Variants in HHLA1 observed in about 807,000 individuals in gnomAD.
The protein encoded by HHLA1 is HHLA1 neighbor of OC90.
A neutral mutation model predicts 69.9 loss-of-function variants in HHLA1; 72 were observed. That is an observed-to-expected ratio of 1.03 (90% CI 0.85 to 1.25). The LOEUF is 1.25. Ranked by LOEUF, HHLA1 falls within the 50% of genes most tolerant of loss-of-function variation. The probability of loss-of-function intolerance (pLI) is 0.00; values close to 1 mark genes in which losing one functional copy is unlikely to be tolerated. For missense variants in HHLA1, 685 were observed against 642.2 expected, an observed-to-expected ratio of 1.07 and a Z score of -0.72; for synonymous variants, 252 against 233.2, an observed-to-expected ratio of 1.08 and a Z score of -0.73.
At chr8:132,080,171 G>A in intron 10 of HHLA1, 1 of 716,260 alleles carries the variant, frequency 1.4e-6, no homozygotes, top group South Asian at 1.5e-5. Context: ...GCCTCTCCAG[G>A]ACTCTGGTAC....
chr8:132,065,534 G>A (rs1586721805), intron 16 of HHLA1, among the ~76,000 whole-genome samples: 1 of 152,166 alleles, frequency 6.6e-6, no homozygotes, highest in Non-Finnish European at 1.5e-5. Context: ...CGCCCGCCTT[G>A]GCCTCCCAAA....
intron 1 of HHLA1, among the ~76,000 whole-genome samples, chr8:132,106,554 T>C (rs187930253): frequency 6.6e-6 from 1 of 152,306 alleles, no homozygotes; most frequent in East Asian, 1.9e-4. Context: ...CACAGGGTCT[T>C]TGTGAGGATT....
rs941721140 is a variant in HHLA1 at position 132,101,453 on chromosome 8, T to A, written c.140-1319A>T. Reference sequence around the variant, plus strand: ...TATTGGGCTAGTGGCTAAGATAAAATCAGAAAAGAGCAATCTCAACTCTTT... The same window carrying A: ...TATTGGGCTAGTGGCTAAGATAAAAACAGAAAAGAGCAATCTCAACTCTTT... On this transcript the variant is annotated intron_variant, in intron 3 of 16. Coordinates refer to ENST00000414222, the MANE Select transcript of HHLA1 (RefSeq NM_001145095.3). 2.0e-5 allele frequency among the ~76,000 whole-genome samples: 3 copies of A among 152,302 alleles called. No homozygotes were observed. The East Asian group carries it at 5.8e-4, about 29-fold the overall frequency.
chr8:132,084,203 G>A (rs966972497), intron 10 of HHLA1, among the ~76,000 whole-genome samples: 7 of 152,120 alleles, frequency 4.6e-5, no homozygotes, highest in African/African-American at 1.4e-4. Context: ...AGCCGGACCA[G>A]GTGTGAGGAG....
intron 11 of HHLA1, among the ~76,000 whole-genome samples, chr8:132,078,372 T>C (rs562862835): frequency 5.3e-5 from 8 of 152,316 alleles, no homozygotes; most frequent in Admixed American, 2.0e-4. Context: ...GTCTCCTCCA[T>C]GGTGTGAACT....
intron 14 of HHLA1, 143 bp from the exon 15 acceptor site, chr8:132,071,636 C>A: frequency 1.4e-6 from 1 of 706,052 alleles, no homozygotes; most frequent in South Asian, 2.1e-5. Flanking sequence ...GCATTCCTCA[C>A]CATTACCCAA....
intron 4 of HHLA1, among the ~76,000 whole-genome samples, chr8:132,099,684 T>C (rs1824082997): frequency 1.3e-5 from 2 of 152,060 alleles, no homozygotes; most frequent in African/African-American, 4.8e-5. Context: ...TGAAACCCCA[T>C]AGCTACTAAA....
intron 8 of HHLA1, among the ~76,000 whole-genome samples, chr8:132,088,236 ACAATCCCT>A (rs1465618535): frequency 1.3e-5 from 2 of 152,206 alleles, no homozygotes; most frequent in East Asian, 3.9e-4. Flanking sequence ...TTCAAATCCC[ACAATCCCT>A]CATTTGTAAT....
chr8:132,102,732 G>T (rs1385781095), intron 3 of HHLA1, among the ~76,000 whole-genome samples: 1 of 151,000 alleles, frequency 6.6e-6, no homozygotes, highest in African/African-American at 2.5e-5. Flanking sequence ...AGGCTGGCAG[G>T]ATTCCTACAC....
At chr8:132,102,897 A>G (rs1824134251) in intron 3 of HHLA1, among the ~76,000 whole-genome samples, 1 of 151,978 alleles carries the variant, frequency 6.6e-6, no homozygotes, top group Non-Finnish European at 1.5e-5. Context: ...TGAAGTCTGA[A>G]CTAAACACCA....
Position 132,104,090 on chromosome 8 carries a change from C to G in HHLA1, c.139+18G>C. The G allele has an allele frequency of 6.5e-7, 1 of 1,537,022 alleles. No homozygotes were observed. The highest frequency in any genetic ancestry group is 8.8e-7 in the Non-Finnish European group (1 of 1,133,688). On this transcript the variant is annotated intron_variant, in intron 3 of 16. Transcript: ENST00000414222. ...CCAAGAACAGTGAGCTGAAAAGGAG[C>G]CCTTATCACCCACTTACCTGTTGTA...
chr8:132,082,536 G>A lies in HHLA1; in HGVS notation c.677-2570C>T, dbSNP rs528836588. ...CGTGTGTTTTTATGAGAATTATGCC[G>A]AGATAGGTAACAGATGAGGAAGAAA... On this transcript the variant is annotated intron_variant, in intron 10 of 16. Coordinates refer to ENST00000414222, the MANE Select transcript of HHLA1 (RefSeq NM_001145095.3). 5.3e-3 allele frequency among the ~76,000 whole-genome samples: 809 copies of A among 152,192 alleles called. 6 individuals carry two copies. Among genetic ancestry groups the A allele is most frequent in the Non-Finnish European group, 8.1e-3 (549 of 67,992 alleles).
At chr8:132,067,635 AAC>A (rs1363375919) in intron 15 of HHLA1, among the ~76,000 whole-genome samples, 1 of 152,174 alleles carries the variant, frequency 6.6e-6, no homozygotes, top group African/African-American at 2.4e-5. Flanking sequence ...GAGCAACCAC[AAC>A]AGTGTCTTAA....
chr8:132,076,532 G>T lies in HHLA1; in HGVS notation c.1183C>A (p.His395Asn). 1 of 1,534,502 alleles carries T rather than the reference G, an allele frequency of 6.5e-7. No homozygotes were observed. The highest frequency in any genetic ancestry group is 8.8e-7 in the Non-Finnish European group (1 of 1,139,870). Reference sequence around the variant, plus strand: ...GTTGGACTCGGAGTCTGTGTGCCATGGGTGAATGCTCCTGGGAGGAGATGA... The same window carrying T: ...GTTGGACTCGGAGTCTGTGTGCCATTGGTGAATGCTCCTGGGAGGAGATGA... ...QASPTLGAFT[H>N]GTQTPSPTKA... Residue 395 changes from histidine to asparagine, a missense_variant, in exon 13 of 17, where the codon CAT becomes AAT. Physicochemically the swap from His to Asn is moderately conservative, Grantham distance 68. Transcript: ENST00000414222.
intron 3 of HHLA1, among the ~76,000 whole-genome samples, chr8:132,101,731 G>A (rs1201792485): frequency 3.9e-5 from 6 of 152,008 alleles, no homozygotes; most frequent in Admixed American, 1.3e-4. Flanking sequence ...GCACCACCAC[G>A]CCTGGCTATT....
intron 1 of HHLA1, among the ~76,000 whole-genome samples, chr8:132,107,089 TTTCTCC>T (rs1280428173): frequency 6.6e-6 from 1 of 152,162 alleles, no homozygotes; most frequent in East Asian, 1.9e-4. Flanking sequence ...CTTTCTCTCT[TTTCTCC>T]TCTTTCCCCC....
intron 7 of HHLA1, among the ~76,000 whole-genome samples, chr8:132,095,118 G>A (rs1398934733): frequency 6.6e-6 from 1 of 152,084 alleles, no homozygotes; most frequent in Non-Finnish European, 1.5e-5. Flanking sequence ...CAATAACATT[G>A]TGCTCTTTGT....
At position 132,082,465 on chromosome 8, in the gene HHLA1, T is replaced by C. The variant is rs549963781; in HGVS notation, c.677-2499A>G. Among the ~76,000 whole-genome samples, 618 of 152,200 alleles carry C rather than the reference T, an allele frequency of 4.1e-3. 2 individuals carry two copies. Among genetic ancestry groups the C allele is most frequent in the African/African-American group, 0.014 (599 of 41,534 alleles). On this transcript the variant is annotated intron_variant, in intron 10 of 16. Coordinates refer to ENST00000414222, the MANE Select transcript of HHLA1 (RefSeq NM_001145095.3). The stretch of plus-strand genomic sequence containing the variant: ...AAAGGAGTTGTTGTTTTGTAGAAGA[T>C]GCTGGGGTTTGAGAGATCAGTCGGA...
chr8:132,071,035 A>G (rs532774682), intron 15 of HHLA1, among the ~76,000 whole-genome samples: 2 of 152,210 alleles, frequency 1.3e-5, no homozygotes, highest in Admixed American at 6.5e-5. Flanking sequence ...ACTTATCTCA[A>G]CTCATCACAA....
Sources: allele counts gnomAD v4.1 joint callset (sites outside exome capture counted in the v4.1 genomes callset), GRCh38; gene constraint gnomAD v4.1.1; transcripts MANE v1.5; gene names NCBI Gene and HGNC (gene_info 2026-07-23, HGNC 2026-07-21).